Variants in VPS11 observed in about 807,000 individuals in gnomAD.
The protein encoded by VPS11 is vacuolar protein sorting-associated protein 11 homolog.
In VPS11, 51 loss-of-function variants were observed where a neutral mutation model predicts 106.8. The observed-to-expected ratio is 0.48, with a 90% CI of 0.38 to 0.60. The LOEUF (loss-of-function observed/expected upper bound fraction) is 0.60, where lower values mean the gene tolerates loss of function less well. VPS11 is among the 20% of genes least tolerant of loss of function. The pLI is 0.00. For missense variants in VPS11, 950 were observed against 1,190.0 expected, an observed-to-expected ratio of 0.80 and a Z score of 2.97; for synonymous variants, 453 against 458.7, an observed-to-expected ratio of 0.99 and a Z score of 0.16.
rs76415576 is a variant in VPS11 at position 119,071,634 on chromosome 11, G to A, written c.675G>A (p.Glu225=). 1,653 of 1,614,036 alleles carry A rather than the reference G, an allele frequency of 1.0e-3. 17 individuals carry two copies. In the East Asian group the frequency reaches 0.018, roughly 18 times the overall value. ...CTGGAAAAGACTACCCTCGCGTGGA[G>A]TTGGACACCCATGGTTGTGGCCTGC... ...IVSGKDYPRV[E]LDTHGCGLRC... The change falls in exon 5 of 16, where the codon GAG becomes GAA. Residue 225 remains glutamate (E), a synonymous_variant. Transcript: ENST00000621676.
In VPS11 at chr11:119,069,500, T is replaced by A; in HGVS notation, c.395T>A (p.Phe132Tyr). 1 of 1,614,034 alleles carries A rather than the reference T, an allele frequency of 6.2e-7. No homozygotes were observed. The highest frequency in any genetic ancestry group is 1.1e-5 in the South Asian group (1 of 91,090). The change falls in exon 3 of 16, where the codon TTC (phenylalanine) becomes TAC (tyrosine). Residue 132 changes from phenylalanine to tyrosine, a missense_variant. By Grantham distance (22) the Phe-to-Tyr change is conservative. Transcript: ENST00000621676. ...GGCAATCCACTCTGCACTCGAATCT[T>A]CCCTGCTATTCCAGGAACAGAGCCA... is the stretch of plus-strand genomic sequence containing the variant. ...DGGNPLCTRI[F>Y]PAIPGTEPTV...
Position 119,070,506 on chromosome 11 carries a change from C to G in VPS11, c.636+109C>G. 2.5e-6 allele frequency: 3 copies of G among 1,208,348 alleles called. No individual in the cohort carries two copies. In the South Asian group the frequency reaches 7.1e-5, roughly 29 times the overall value. The allele number at this position is 1,208,348 out of a possible 1,614,324, so 74.9% of individuals were successfully genotyped here. ...AAGGTGGGAGTGTTAAAGTTTTAATCATATAATTCGAATCATTTGCCTAGC... is the reference window on the plus strand; with the variant it reads ...AAGGTGGGAGTGTTAAAGTTTTAATGATATAATTCGAATCATTTGCCTAGC... On this transcript the variant is annotated intron_variant, in intron 4 of 15. Coordinates refer to ENST00000621676, the MANE Select transcript of VPS11 (RefSeq NM_021729.6).
chr11:119,078,085 G>A lies in VPS11; in HGVS notation c.1761+19G>A. On this transcript the variant is annotated intron_variant, in intron 10 of 15. Transcript: ENST00000621676. ...CTGCAGGGTGAGGCTGCAGGGAAAA[G>A]AGCTTCAGACTGTGGGGATCACCTT... is the stretch of plus-strand genomic sequence containing the variant. 6.2e-7 allele frequency: 1 copy of A among 1,609,628 alleles called. No individual in the cohort carries two copies. The highest frequency in any genetic ancestry group is 1.1e-5 in the South Asian group (1 of 91,072).
intron 3 of VPS11, 142 bp downstream of exon 3, chr11:119,069,719 C>T: frequency 4.9e-6 from 6 of 1,215,152 alleles, no homozygotes; most frequent in Non-Finnish European, 6.9e-6. Flanking sequence ...GGAATGGGGG[C>T]CAGGCGCGGT....
Position 119,070,392 on chromosome 11 carries a change from G to C in VPS11, c.631G>C (p.Val211Leu). The C allele has an allele frequency of 1.2e-6, 2 of 1,612,168 alleles. No individual in the cohort carries two copies. Among genetic ancestry groups the C allele is most frequent in the Non-Finnish European group, 8.5e-7 (1 of 1,178,708 alleles). ...CTTGTTTGTTGTGACAACAGAGAACGTCCAGGTATGACCAAGGCCTCCACT... is the reference window on the plus strand; with the variant it reads ...CTTGTTTGTTGTGACAACAGAGAACCTCCAGGTATGACCAAGGCCTCCACT... ...THLFVVTTEN[V>L]QSYIVSGKDY... Residue 211 changes from valine to leucine, a missense_variant, in exon 4 of 16, where the codon GTC becomes CTC. This residue lies in a region of VPS11 where 435 missense variants were observed against 630.2 expected (regional missense o/e 0.69). Coordinates refer to ENST00000621676, the MANE Select transcript of VPS11 (RefSeq NM_021729.6).
At position 119,078,274 on chromosome 11, in the gene VPS11, G is replaced by T; in HGVS notation, c.1863G>T (p.Gly621=). ...MSEVQPDSPQ[G]IYDTLLELRL... is the part of the protein sequence containing the mutation. ...AAGTGCAGCCAGACTCACCCCAGGG[G>T]ATCTACGACACACTCCTTGAGCTGC... The change falls in exon 11 of 16, where the codon GGG becomes GGT. Residue 621 remains glycine (G), a synonymous_variant. Transcript: ENST00000621676. The T allele has an allele frequency of 1.9e-6, 3 of 1,613,438 alleles. No individual in the cohort carries two copies. The highest frequency in any genetic ancestry group is 1.7e-6 in the Non-Finnish European group (2 of 1,179,882).
chr11:119,081,045 C>A (rs782082191), intron 14 of VPS11, 47 bp from the exon 15 acceptor site: 1 of 1,557,668 alleles, frequency 6.4e-7, no homozygotes, highest in Non-Finnish European at 8.8e-7. Context: ...TGACTCCTGG[C>A]CTTGCCCTCA....
intron 7 of VPS11, among the ~76,000 whole-genome samples, chr11:119,075,792 C>T (rs1270034776): frequency 1.3e-5 from 2 of 151,936 alleles, no homozygotes; most frequent in East Asian, 3.9e-4. Flanking sequence ...ATCCCAGCCA[C>T]TCGCAAAGCT....
In VPS11 at chr11:119,081,692, C is replaced by A; in HGVS notation, c.*69C>A. ...ACAGACACAATGGGACCTGGGCGGG[C>A]GTTACACAGAAGGCTGGCTGACATG... is the stretch of plus-strand genomic sequence containing the variant. On this transcript the variant is annotated 3_prime_UTR_variant, in exon 16 of 16. Coordinates refer to ENST00000621676, the MANE Select transcript of VPS11 (RefSeq NM_021729.6). The A allele has an allele frequency of 6.4e-7, 1 of 1,559,278 alleles. No homozygotes were observed. Among genetic ancestry groups the A allele is most frequent in the Non-Finnish European group, 8.7e-7 (1 of 1,149,478 alleles).
Position 119,081,848 on chromosome 11 carries a change from G to C in VPS11, c.*225G>C. 1 of 583,810 alleles carries C rather than the reference G, an allele frequency of 1.7e-6. No individual in the cohort carries two copies. The highest frequency in any genetic ancestry group is 2.9e-6 in the Non-Finnish European group (1 of 347,172). 36.2% of individuals were successfully genotyped at this position (583,810 alleles called of 1,614,324 possible). On this transcript the variant is annotated 3_prime_UTR_variant, in exon 16 of 16. Coordinates refer to ENST00000621676, the MANE Select transcript of VPS11 (RefSeq NM_021729.6). ...AGTGTAGATCATTCCAGATCAGTGG[G>C]GGAGGGCACCTCAGCAACCTCTGAG...
At chr11:119,076,535 AAAAATT>A (rs781956013) in intron 7 of VPS11, among the ~76,000 whole-genome samples, 10 of 152,124 alleles carry the variant, frequency 6.6e-5, no homozygotes, top group Non-Finnish European at 1.3e-4. Flanking sequence ...TCAAAAAAAA[AAAAATT>A]AATTAAATTT....
chr11:119,076,844 G>C, intron 7 of VPS11, 53 bp from the exon 8 acceptor site: 1 of 1,588,668 alleles, frequency 6.3e-7, no homozygotes, highest in Non-Finnish European at 8.6e-7. Flanking sequence ...CTGTGTACAT[G>C]AGCTGGAGAA....
In VPS11 at chr11:119,079,227, G is replaced by A; in HGVS notation, c.2365G>A (p.Asp789Asn). ...LQKQSQQIAQ[D>N]ELRVRRYREE... ...GAAACAGAGCCAGCAGATTGCACAG[G>A]ATGAGCTGCGGGTGCGGCGGTACCG... Residue 789 changes from aspartate to asparagine, a missense_variant, in exon 14 of 16, where the codon GAT becomes AAT. Asp to Asn is a conservative substitution (Grantham distance 23). This residue lies in a region of VPS11 where 453 missense variants were observed against 514.6 expected (regional missense o/e 0.88). Transcript: ENST00000621676. 2 of 1,612,278 alleles carry A rather than the reference G, an allele frequency of 1.2e-6. No homozygotes were observed. Among genetic ancestry groups the A allele is most frequent in the Non-Finnish European group, 1.7e-6 (2 of 1,179,180 alleles).
chr11:119,074,120 T>A (rs782517931), intron 7 of VPS11, among the ~76,000 whole-genome samples, 169 bp downstream of exon 7: 1 of 152,190 alleles, frequency 6.6e-6, no homozygotes, highest in Non-Finnish European at 1.5e-5. Flanking sequence ...AGTTTCGCTC[T>A]TGTTGTCCAA....
At chr11:119,075,349 G>C (rs1303387761) in intron 7 of VPS11, among the ~76,000 whole-genome samples, 1 of 151,922 alleles carries the variant, frequency 6.6e-6, no homozygotes, top group Non-Finnish European at 1.5e-5. Flanking sequence ...TGGGAGGAAT[G>C]CATGAGCCCA....
chr11:119,073,491 C>T, intron 6 of VPS11, 92 bp downstream of exon 6: 1 of 1,457,754 alleles, frequency 6.9e-7, no homozygotes, highest in Non-Finnish European at 9.3e-7. Context: ...GGGTGTTTCC[C>T]TCCTTGTGGG....
At chr11:119,068,038 C>G (rs2133640493) in intron 1 of VPS11, 28 bp downstream of exon 1, 1 of 1,574,308 alleles carries the variant, frequency 6.4e-7, no homozygotes, top group South Asian at 1.1e-5. Flanking sequence ...CTGTCTTTTC[C>G]CTCCCGGGAT....
chr11:119,078,082 A>T lies in VPS11; in HGVS notation c.1761+16A>T. On this transcript the variant is annotated intron_variant, in intron 10 of 15. Coordinates refer to ENST00000621676, the MANE Select transcript of VPS11 (RefSeq NM_021729.6). ...AGGCTGCAGGGTGAGGCTGCAGGGAAAAGAGCTTCAGACTGTGGGGATCAC... is the reference window on the plus strand; with the variant it reads ...AGGCTGCAGGGTGAGGCTGCAGGGATAAGAGCTTCAGACTGTGGGGATCAC... The T allele has an allele frequency of 6.2e-7, 1 of 1,609,704 alleles. No individual in the cohort carries two copies. The highest frequency in any genetic ancestry group is 1.7e-5 in the Admixed American group (1 of 59,996).
At chr11:119,080,430 G>A (rs933187757) in intron 14 of VPS11, among the ~76,000 whole-genome samples, 6 of 150,920 alleles carry the variant, frequency 4.0e-5, no homozygotes, top group African/African-American at 1.5e-4. Flanking sequence ...GTGTGATGGC[G>A]CAATCTCGGC....
Sources: gnomAD v4.1 joint callset for allele counts (sites outside exome capture counted in the v4.1 genomes callset) on GRCh38, gnomAD v4.1.1 for gene constraint, gnomAD v4.1.1 regional missense constraint, MANE v1.5 for transcripts, NCBI Gene and HGNC (gene_info 2026-07-23, HGNC 2026-07-21) for gene names.